EPHA3: variants seen among roughly 807,000 people sequenced by gnomAD.
The protein encoded by EPHA3 is EPH receptor A3, also known as ephrin type-A receptor 3.
Under a neutral mutation model 107.1 loss-of-function variants are expected in EPHA3, and 42 were observed. That is an observed-to-expected ratio of 0.39 (90% CI 0.31 to 0.51). The LOEUF is 0.51. Among genes scored for constraint, EPHA3 ranks in the 20% least tolerant of loss-of-function variants. EPHA3 has a pLI of 0.78. For missense variants in EPHA3, 1,183 were observed against 1,211.2 expected (o/e 0.98, Z 0.35); for synonymous variants, 461 against 424.8 (o/e 1.09, Z -1.05).
intron 2 of EPHA3, among the ~76,000 whole-genome samples, chr3:89,137,733 T>C (rs1704345911): frequency 6.6e-6 from 1 of 152,024 alleles, no homozygotes; most frequent in Non-Finnish European, 1.5e-5. Context: ...CCATTGCATG[T>C]GACATAAGAA....
At chr3:89,215,758 T>C (rs1195446599) in intron 3 of EPHA3, among the ~76,000 whole-genome samples, 1 of 151,918 alleles carries the variant, frequency 6.6e-6, no homozygotes, top group Admixed American at 6.6e-5. Flanking sequence ...AAATATGAAC[T>C]GTTTTACCTT....
chr3:89,432,292 A>G (rs1268910158), intron 13 of EPHA3, among the ~76,000 whole-genome samples: 1 of 152,192 alleles, frequency 6.6e-6, no homozygotes, highest in Non-Finnish European at 1.5e-5. Context: ...ATCAGTTAGG[A>G]TAAATTGAAT....
chr3:89,406,380 C>T (rs747730990), intron 7 of EPHA3, among the ~76,000 whole-genome samples: 2 of 152,110 alleles, frequency 1.3e-5, no homozygotes, highest in Non-Finnish European at 2.9e-5. Flanking sequence ...GTTTGAGAAG[C>T]ATTGGTCTGG....
chr3:89,134,207 C>T (rs973835729), intron 2 of EPHA3, among the ~76,000 whole-genome samples: 24 of 136,842 alleles, frequency 1.8e-4, no homozygotes. Context: ...TCCTTGTCAA[C>T]TTTCTTTTTT....
At chr3:89,426,925 T>C (rs1174408723) in intron 11 of EPHA3, among the ~76,000 whole-genome samples, 1 of 151,854 alleles carries the variant, frequency 6.6e-6, no homozygotes, top group Non-Finnish European at 1.5e-5. Flanking sequence ...GCATCTAGAA[T>C]CAAACAGTCT....
At position 89,381,238 on chromosome 3, in the gene EPHA3, C is replaced by G. The variant is rs547361871; in HGVS notation, c.1307-14599C>G. Among the ~76,000 whole-genome samples the G allele has an allele frequency of 2.0e-5, 3 of 151,974 alleles. No homozygotes were observed. In the South Asian group the frequency reaches 6.3e-4, roughly 32 times the overall value. ...CCGCCTGCCTCGGCCTCCCAGAGTG[C>G]TGGGATTACAGGCCTGAGCCACCGC... On this transcript the variant is annotated intron_variant, in intron 5 of 16. Coordinates refer to ENST00000336596, the MANE Select transcript of EPHA3 (RefSeq NM_005233.6).
At chr3:89,303,948 TTC>T (rs1186428639) in intron 3 of EPHA3, among the ~76,000 whole-genome samples, 7 of 152,160 alleles carry the variant, frequency 4.6e-5, no homozygotes, top group Admixed American at 3.9e-4. Flanking sequence ...TATGAGCTCA[TTC>T]TGTGTGGGTT....
intron 3 of EPHA3, among the ~76,000 whole-genome samples, chr3:89,256,542 G>A (rs1312931992): frequency 6.6e-6 from 1 of 151,772 alleles, no homozygotes; most frequent in African/African-American, 2.4e-5. Flanking sequence ...CCAGCCTGGC[G>A]ACAGAGTGAG....
chr3:89,327,130 A>G (rs1277317064), intron 3 of EPHA3, among the ~76,000 whole-genome samples: 1 of 152,122 alleles, frequency 6.6e-6, no homozygotes, highest in Non-Finnish European at 1.5e-5. Flanking sequence ...CTGCAGTAAC[A>G]TAATAGGAGT....
intron 3 of EPHA3, among the ~76,000 whole-genome samples, chr3:89,222,556 C>G (rs1022134016): frequency 6.6e-6 from 1 of 150,380 alleles, no homozygotes; most frequent in African/African-American, 2.4e-5. Context: ...CATGTCTATA[C>G]ATGTCCATAC....
intron 5 of EPHA3, among the ~76,000 whole-genome samples, chr3:89,342,299 G>A (rs1390208497): frequency 6.6e-6 from 1 of 151,972 alleles, no homozygotes; most frequent in Non-Finnish European, 1.5e-5. Flanking sequence ...TTTTAAACTA[G>A]TTTATACCCA....
In EPHA3 at chr3:89,210,134, T is replaced by C; in HGVS notation, c.428T>C (p.Ile143Thr). 1 of 1,614,006 alleles carries C rather than the reference T, an allele frequency of 6.2e-7. No homozygotes were observed. Among genetic ancestry groups the C allele is most frequent in the Non-Finnish European group, 8.5e-7 (1 of 1,179,940 alleles). Residue 143 changes from isoleucine to threonine, a missense_variant, in exon 3 of 17, where the codon ATT becomes ACT. Transcript: ENST00000336596. Reference protein sequence around the residue: ...VKFREHQFTKIDTIAADESFT... With the variant: ...VKFREHQFTKTDTIAADESFT... ...TTTCGAGAGCATCAGTTTACAAAGATTGACACCATTGCAGCTGATGAAAGT... is the reference window on the plus strand; with the variant it reads ...TTTCGAGAGCATCAGTTTACAAAGACTGACACCATTGCAGCTGATGAAAGT...
Position 89,161,594 on chromosome 3 carries a change from G to T in EPHA3, c.153+34321G>T, listed in dbSNP as rs567342391. On this transcript the variant is annotated intron_variant, in intron 2 of 16. Transcript: ENST00000336596. ...ATTTAATTAGTTTTTTTACTGACGG[G>T]CAGTCATTCATTTTATATATACATA... Among the ~76,000 whole-genome samples, 4 of 152,064 alleles carry T rather than the reference G, an allele frequency of 2.6e-5. No individual in the cohort carries two copies. The East Asian group carries it at 7.7e-4, about 29-fold the overall frequency.
At chr3:89,329,274 C>T (rs1438964455) in intron 3 of EPHA3, among the ~76,000 whole-genome samples, 4 of 151,972 alleles carry the variant, frequency 2.6e-5, no homozygotes, top group South Asian at 4.1e-4. Flanking sequence ...TCCCACTCCC[C>T]GCTCCGCCCC....
chr3:89,459,827 G>C (rs752132072), intron 15 of EPHA3, among the ~76,000 whole-genome samples: 1 of 152,014 alleles, frequency 6.6e-6, no homozygotes, highest in Non-Finnish European at 1.5e-5. Flanking sequence ...CCAGCCCAAA[G>C]GGATGTTTTT....
At chr3:89,217,429 C>A (rs1199875876) in intron 3 of EPHA3, among the ~76,000 whole-genome samples, 1 of 151,620 alleles carries the variant, frequency 6.6e-6, no homozygotes, top group Non-Finnish European at 1.5e-5. Context: ...CAAAAAAAAA[C>A]TCTAAACTTT....
chr3:89,226,401 T>C (rs907924155), intron 3 of EPHA3, among the ~76,000 whole-genome samples: 3 of 152,126 alleles, frequency 2.0e-5, no homozygotes, highest in African/African-American at 7.2e-5. Flanking sequence ...ATCCTTACTA[T>C]GGGGAAACGT....
intron 16 of EPHA3, among the ~76,000 whole-genome samples, chr3:89,479,175 A>T (rs1389916827): frequency 1.3e-5 from 2 of 152,128 alleles, no homozygotes. Flanking sequence ...GAGGTTTGGG[A>T]TTGACAGAGA....
At chr3:89,372,915 G>C (rs970352756) in intron 5 of EPHA3, among the ~76,000 whole-genome samples, 2 of 151,748 alleles carry the variant, frequency 1.3e-5, no homozygotes, top group Non-Finnish European at 2.9e-5. Context: ...CCAAGGATAT[G>C]TCTACATAGA....
Sources: gnomAD v4.1 joint callset for allele counts (sites outside exome capture counted in the v4.1 genomes callset) on GRCh38, gnomAD v4.1.1 for gene constraint, MANE v1.5 for transcripts, NCBI Gene and HGNC (gene_info 2026-07-23, HGNC 2026-07-21) for gene names.